Variants in ACSF2 observed in about 807,000 individuals in gnomAD.
ACSF2 encodes the protein medium-chain acyl-CoA ligase ACSF2, mitochondrial.
A neutral mutation model predicts 79.3 loss-of-function variants in ACSF2; 52 were observed. That is an observed-to-expected ratio of 0.66 (90% CI 0.53 to 0.83). The LOEUF is 0.83. Among genes scored for constraint, ACSF2 ranks in the 40% least tolerant of loss-of-function variants. The pLI, the probability that ACSF2 is intolerant of heterozygous loss-of-function variation, is 0.00. For synonymous variants in ACSF2, 283 were observed against 312.6 expected (o/e 0.91, Z 1.00); for missense variants, 661 against 803.3 (o/e 0.82, Z 2.14).
Position 50,437,002 on chromosome 17 carries a change from C to G in ACSF2, c.128+10613C>G, listed in dbSNP as rs115030381. Reference sequence around the variant, plus strand: ...TCAGACTCAGCAGTTCAGCATTGTCCTTCCTGCACAAGCATTGGCCATCTC... The same window carrying G: ...TCAGACTCAGCAGTTCAGCATTGTCGTTCCTGCACAAGCATTGGCCATCTC... On this transcript the variant is annotated intron_variant, in intron 1 of 15. Coordinates refer to ENST00000300441, the MANE Select transcript of ACSF2 (RefSeq NM_025149.6). Among the ~76,000 whole-genome samples, 1,291 of 152,248 alleles carry G rather than the reference C, an allele frequency of 8.5e-3. 18 individuals are homozygous for G. Among genetic ancestry groups the G allele is most frequent in the African/African-American group, 0.03 (1,234 of 41,548 alleles).
At chr17:50,455,408 A>G (rs1218298954) in intron 1 of ACSF2, among the ~76,000 whole-genome samples, 1 of 152,108 alleles carries the variant, frequency 6.6e-6, no homozygotes, top group Non-Finnish European at 1.5e-5. Context: ...GATCCTAGGA[A>G]GTGGGGATAG....
At chr17:50,462,847 G>C (rs925711647) in intron 6 of ACSF2, 1 of 582,616 alleles carries the variant, frequency 1.7e-6, no homozygotes, top group Non-Finnish European at 3.0e-6. Context: ...GGTTGGAACT[G>C]CTACAGGCTG....
chr17:50,461,580 A>G, intron 3 of ACSF2, 53 bp from the exon 4 acceptor site: 2 of 1,612,340 alleles, frequency 1.2e-6, no homozygotes, highest in Non-Finnish European at 1.7e-6. Context: ...GAGGGGCAGC[A>G]GGAGGGACAG....
intron 1 of ACSF2, 59 bp from the exon 2 acceptor site, chr17:50,460,618 C>A: frequency 6.6e-7 from 1 of 1,516,646 alleles, no homozygotes; most frequent in Non-Finnish European, 8.9e-7. Flanking sequence ...GTGTGCCATG[C>A]CCTTGGTTCC....
rs776797110 is a variant in ACSF2, at chr17:50,472,029, T to A, written c.1324-399T>A. 2.7e-5 allele frequency: 5 copies of A among 186,888 alleles called. No individual in the cohort carries two copies. In the South Asian group the frequency reaches 3.2e-4, roughly 12 times the overall value. 11.6% of individuals were successfully genotyped at this position (186,888 alleles called of 1,614,324 possible). The stretch of plus-strand genomic sequence containing the variant: ...GGCTTTCAGACTCTGTCTCTCCTGT[T>A]CACATGGTGTTGCCATGCCACCCTG... On this transcript the variant is annotated intron_variant, in intron 11 of 15. Coordinates refer to ENST00000300441, the MANE Select transcript of ACSF2 (RefSeq NM_025149.6).
chr17:50,433,144 A>G (rs1054670005), intron 1 of ACSF2, among the ~76,000 whole-genome samples: 25 of 145,988 alleles, frequency 1.7e-4, no homozygotes, highest in Non-Finnish European at 3.0e-4. Flanking sequence ...GTCTCGCACT[A>G]TCACCAGGCT....
At chr17:50,468,982 C>G (rs2032952540) in intron 10 of ACSF2, 2 of 1,369,242 alleles carry the variant, frequency 1.5e-6, no homozygotes, top group African/African-American at 1.5e-5. Context: ...GCTTAACTCG[C>G]TCGCGCCCAG....
chr17:50,467,140 G>A (rs2032784722), intron 10 of ACSF2, among the ~76,000 whole-genome samples: 2 of 152,244 alleles, frequency 1.3e-5, no homozygotes, highest in Admixed American at 1.3e-4. Context: ...CCAGAGAAGG[G>A]ATTCTGCTCT....
At position 50,463,959 on chromosome 17, in the gene ACSF2, C is replaced by A; in HGVS notation, c.1138+50C>A. ...GGCTTGGGGAGGGGGCTGCTTCCCC[C>A]ACAGGAATGGCCCGGGTGAGTTAGC... On this transcript the variant is annotated intron_variant, in intron 9 of 15. Transcript: ENST00000300441. This position sits in a 1 kb window ranked among gnomAD's most constrained non-coding sequence, Gnocchi z 4.6. 1.9e-6 allele frequency: 3 copies of A among 1,569,966 alleles called. No homozygotes were observed. The highest frequency in any genetic ancestry group is 2.2e-5 in the South Asian group (2 of 90,170).
chr17:50,458,168 G>A (rs2032125422), intron 1 of ACSF2, among the ~76,000 whole-genome samples: 1 of 152,164 alleles, frequency 6.6e-6, no homozygotes, highest in African/African-American at 2.4e-5. Context: ...ACAGATCCTG[G>A]TTCCAACATC....
intron 1 of ACSF2, among the ~76,000 whole-genome samples, chr17:50,451,787 A>T (rs972097384): frequency 2.6e-5 from 4 of 152,182 alleles, no homozygotes; most frequent in Non-Finnish European, 2.9e-5. Flanking sequence ...CCAAGTGAGC[A>T]TGATGTGGTA....
At chr17:50,464,601 TG>T (rs1427000005) in intron 10 of ACSF2, 1 of 547,594 alleles carries the variant, frequency 1.8e-6, no homozygotes, top group Non-Finnish European at 3.5e-6. Flanking sequence ...TCCTGGCAGG[TG>T]GGGGCTGGCA....
At chr17:50,465,822 A>G (rs139263357) in intron 10 of ACSF2, 55 of 1,613,802 alleles carry the variant, frequency 3.4e-5, no homozygotes, top group East Asian at 6.7e-5. Flanking sequence ...TTGTTCTCCA[A>G]ATGGACGTGT....
intron 1 of ACSF2, among the ~76,000 whole-genome samples, chr17:50,444,300 C>T (rs1263934867): frequency 6.6e-6 from 1 of 152,154 alleles, no homozygotes; most frequent in African/African-American, 2.4e-5. Flanking sequence ...CACCTGTAAT[C>T]CCAGCACTTT....
chr17:50,459,003 A>G (rs1265728131), intron 1 of ACSF2, among the ~76,000 whole-genome samples: 1 of 152,214 alleles, frequency 6.6e-6, no homozygotes. Context: ...CTCTAGTCCT[A>G]GCATAGTACT....
chr17:50,447,371 C>G (rs2143605973), intron 1 of ACSF2, among the ~76,000 whole-genome samples: 1 of 152,028 alleles, frequency 6.6e-6, no homozygotes, highest in East Asian at 1.9e-4. Flanking sequence ...GAAACCCAGT[C>G]TCTACCAAAA....
Position 50,462,178 on chromosome 17 carries a change from C to A in ACSF2, c.508-6C>A. ...TGACTGGAGGTGGGGGACTCCCCTT[C>A]CACAGGTGGGCTGCAAGGCCCTTGT... On this transcript the variant is annotated splice_region_variant and splice_polypyrimidine_tract_variant and intron_variant, in intron 4 of 15. Coordinates refer to ENST00000300441, the MANE Select transcript of ACSF2 (RefSeq NM_025149.6). The A allele has an allele frequency of 6.2e-7, 1 of 1,613,522 alleles. No individual in the cohort carries two copies.
At position 50,426,362 on chromosome 17, in the gene ACSF2, C is replaced by T. The variant is rs75479707; in HGVS notation, c.101C>T (p.Ala34Val). Residue 34 changes from alanine to valine, a missense_variant, in exon 1 of 16, where the codon GCC (alanine) becomes GTC (valine). Transcript: ENST00000300441. ...RAALSRSWQE[A>V]RLQGVRFLSS... ...GCCCTCTCTCGGAGTTGGCAGGAAGCCAGGTTGCAGGGTGTCCGCTTCCTC... is the reference window on the plus strand; with the variant it reads ...GCCCTCTCTCGGAGTTGGCAGGAAGTCAGGTTGCAGGGTGTCCGCTTCCTC... The T allele has an allele frequency of 2.1e-3, 2,914 of 1,414,786 alleles. 50 individuals are homozygous for T. In the African/African-American group the frequency reaches 0.039, roughly 19 times the overall value. 87.6% of individuals were successfully genotyped at this position (1,414,786 alleles called of 1,614,324 possible).
intron 10 of ACSF2, chr17:50,468,585 G>A (rs2032908151): frequency 2.5e-6 from 4 of 1,614,070 alleles, no homozygotes; most frequent in East Asian, 4.5e-5. Context: ...AATGACACGA[G>A]GTTCGGCATG....
Sources: gnomAD v4.1 joint callset for allele counts (sites outside exome capture counted in the v4.1 genomes callset) on GRCh38, gnomAD v4.1.1 for gene constraint, Gnocchi (gnomAD v3.1) non-coding constraint, MANE v1.5 for transcripts, NCBI Gene and HGNC (gene_info 2026-07-23, HGNC 2026-07-21) for gene names.